Variants in SLF1 observed in about 807,000 individuals in gnomAD.
The protein encoded by SLF1 is SMC5/6 complex localization factor 1.
Under a neutral mutation model 123.0 loss-of-function variants are expected in SLF1, and 105 were observed. The ratio of observed to expected loss-of-function variants is 0.85; its 90% CI spans 0.73 to 1.00. The LOEUF (loss-of-function observed/expected upper bound fraction) is 1.00, where lower values mean the gene tolerates loss of function less well. SLF1 is among the 50% of genes least tolerant of loss of function. SLF1 has a pLI of 0.00. For missense variants in SLF1, 1,239 were observed against 1,223.0 expected (o/e 1.01, Z -0.20); for synonymous variants, 434 against 406.6 (o/e 1.07, Z -0.81).
At chr5:94,685,464 C>G (rs1752307716) in intron 15 of SLF1, among the ~76,000 whole-genome samples, 1 of 151,560 alleles carries the variant, frequency 6.6e-6, no homozygotes, top group Non-Finnish European at 1.5e-5. Flanking sequence ...CTTGGTTGGT[C>G]TTATTTATTC....
chr5:94,647,570 C>T lies in SLF1; in HGVS notation c.595-1884C>T, dbSNP rs148117024. 7.9e-3 allele frequency among the ~76,000 whole-genome samples: 1,206 copies of T among 152,286 alleles called. 10 individuals carry two copies. Among genetic ancestry groups the T allele is most frequent in the Middle Eastern group, 0.01 (3 of 294 alleles). ...TTTAGTTATCCTTTAGTGCATAGCA[C>T]TATACTTTACAAAATATACTAGTCT... On this transcript the variant is annotated intron_variant, in intron 5 of 20. Transcript: ENST00000265140.
intron 5 of SLF1, among the ~76,000 whole-genome samples, chr5:94,648,120 T>G (rs1747275316): frequency 1.3e-5 from 2 of 152,300 alleles, no homozygotes; most frequent in Admixed American, 6.5e-5. Context: ...CATGTAAAAT[T>G]TAATGCCAGG....
chr5:94,657,740 T>C (rs111473386), intron 9 of SLF1, among the ~76,000 whole-genome samples: 327 of 152,232 alleles, frequency 2.1e-3, no homozygotes, highest in African/African-American at 7.6e-3. Flanking sequence ...GTTGGGTACA[T>C]AGATATTTAG....
At chr5:94,623,339 A>T (rs1010725443) in intron 1 of SLF1, among the ~76,000 whole-genome samples, 1 of 152,140 alleles carries the variant, frequency 6.6e-6, no homozygotes, top group Non-Finnish European at 1.5e-5. Flanking sequence ...CAAGGTAAGT[A>T]ACTAATTTTT....
chr5:94,677,089 A>C (rs980172497), intron 14 of SLF1, among the ~76,000 whole-genome samples: 1 of 152,172 alleles, frequency 6.6e-6, no homozygotes, highest in Admixed American at 6.5e-5. Flanking sequence ...ATATAACATA[A>C]TAACATACTG....
chr5:94,686,581 T>C lies in SLF1; in HGVS notation c.1984T>C (p.Ser662Pro). 2 of 1,613,860 alleles carry C rather than the reference T, an allele frequency of 1.2e-6. No individual in the cohort carries two copies. The highest frequency in any genetic ancestry group is 2.2e-5 in the South Asian group (2 of 91,074). Residue 662 changes from serine (S) to proline (P), a missense_variant, in exon 16 of 21, where the codon TCA (serine) becomes CCA (proline). Ser to Pro is a moderately conservative substitution (Grantham distance 74). Coordinates refer to ENST00000265140, the MANE Select transcript of SLF1 (RefSeq NM_032290.4). ...YVSLSCDDFS[S>P]QELEIFICSF... ...TACCTTATGTTCTCCAGACTTTTCT[T>C]CACAGGAATTAGAGATTTTCATTTG...
chr5:94,646,488 T>TA (rs111362528), intron 5 of SLF1, among the ~76,000 whole-genome samples: 31 of 152,314 alleles, frequency 2.0e-4, no homozygotes, highest in African/African-American at 6.5e-4. Flanking sequence ...TGGACACTGT[T>TA]ACTTGCAATT....
intron 2 of SLF1, 58 bp from the exon 3 acceptor site, chr5:94,629,034 G>A (rs1585102263): frequency 1.4e-6 from 2 of 1,434,846 alleles, no homozygotes; most frequent in Non-Finnish European, 1.9e-6. Flanking sequence ...TAAAAAGGAT[G>A]TGTCATAAAG....
At position 94,692,207 on chromosome 5, in the gene SLF1, A is replaced by G. The variant is rs1266309690; in HGVS notation, c.2646A>G (p.Ala882=). ...QVDGVTPLHD[A]LSNGHVEIGK... ...ACGGGGTGACTCCTTTGCATGATGC[A>G]CTGTCAAACGGACATGTAGAAATTG... Residue 882 remains alanine (A), a synonymous_variant, in exon 20 of 21, where the codon GCA becomes GCG. Transcript: ENST00000265140. 1 of 1,613,730 alleles carries G rather than the reference A, an allele frequency of 6.2e-7. No individual in the cohort carries two copies. The highest frequency in any genetic ancestry group is 1.3e-5 in the African/African-American group (1 of 74,912).
intron 16 of SLF1, among the ~76,000 whole-genome samples, chr5:94,687,567 T>G (rs1213255199): frequency 6.6e-6 from 1 of 152,058 alleles, no homozygotes; most frequent in East Asian, 1.9e-4. Context: ...TGGTGGCACA[T>G]GCCTGTGGTC....
At chr5:94,687,647 T>C (rs1171172439) in intron 16 of SLF1, among the ~76,000 whole-genome samples, 13 of 152,048 alleles carry the variant, frequency 8.5e-5, no homozygotes, top group Non-Finnish European at 1.0e-4. Context: ...TGACCTGTGA[T>C]AACCACTGTA....
Position 94,678,831 on chromosome 5 carries a change from C to T in SLF1, c.1851C>T (p.Tyr617=). 1 of 1,613,300 alleles carries T rather than the reference C, an allele frequency of 6.2e-7. No individual in the cohort carries two copies. Among genetic ancestry groups the T allele is most frequent in the Non-Finnish European group, 8.5e-7 (1 of 1,179,492 alleles). ...AGGTCTTCAAACATGAACTAGCTTA[C>T]TTATTGGCTGGAATTCTTGGAGCAG... ...SNDVFKHELA[Y]LLAGILGAAI... Residue 617 remains tyrosine (Y), a synonymous_variant, in exon 15 of 21, where the codon TAC becomes TAT. Transcript: ENST00000265140.
At chr5:94,644,499 C>T (rs1746792773) in intron 5 of SLF1, among the ~76,000 whole-genome samples, 1 of 152,144 alleles carries the variant, frequency 6.6e-6, no homozygotes. Flanking sequence ...CTGCTTCACT[C>T]TTATCTATGC....
In SLF1 at chr5:94,643,382, A is replaced by G; in HGVS notation, c.541A>G (p.Asn181Asp). ...ARIKAEKEKD[N>D]FKAPFYPIQY... ...AATTAAAGCTGAGAAAGAAAAAGAT[A>G]ACTTTAAGGCTCCATTTTATCCAAT... Residue 181 changes from asparagine (N) to aspartate (D), a missense_variant, in exon 5 of 21, where the codon AAC (asparagine) becomes GAC (aspartate). Transcript: ENST00000265140. 1 of 1,542,136 alleles carries G rather than the reference A, an allele frequency of 6.5e-7. No individual in the cohort carries two copies. Among genetic ancestry groups the G allele is most frequent in the South Asian group, 1.2e-5 (1 of 82,898 alleles).
Position 94,627,123 on chromosome 5 carries a change from G to A in SLF1, c.1-1688G>A, listed in dbSNP as rs149533864. Among the ~76,000 whole-genome samples, 273 of 152,146 alleles carry A rather than the reference G, an allele frequency of 1.8e-3. 1 individual carries two copies. Among genetic ancestry groups the A allele is most frequent in the African/African-American group, 6.0e-3 (250 of 41,512 alleles). On this transcript the variant is annotated intron_variant, in intron 1 of 20. Transcript: ENST00000265140. ...GAACATTTCTCACTTCACCAGTTGC[G>A]TGCTATTAGTCCTGGGCTCAAATCG...
intron 5 of SLF1, among the ~76,000 whole-genome samples, chr5:94,648,111 A>G (rs1269824149): frequency 6.6e-6 from 1 of 152,176 alleles, no homozygotes; most frequent in Admixed American, 6.5e-5. Flanking sequence ...ATTACCAACC[A>G]TGTAAAATTT....
chr5:94,688,680 C>T lies in SLF1; in HGVS notation c.2285+11C>T, dbSNP rs776203024. Reference sequence around the variant, plus strand: ...GCTGCCAGAGTTACTGTAAGTGATGCTGATATCCCAGCTGTGCTTTGTTTT... The same window carrying T: ...GCTGCCAGAGTTACTGTAAGTGATGTTGATATCCCAGCTGTGCTTTGTTTT... On this transcript the variant is annotated intron_variant, in intron 17 of 20. Coordinates refer to ENST00000265140, the MANE Select transcript of SLF1 (RefSeq NM_032290.4). 1 of 1,613,268 alleles carries T rather than the reference C, an allele frequency of 6.2e-7. No individual in the cohort carries two copies. The highest frequency in any genetic ancestry group is 1.7e-5 in the Admixed American group (1 of 59,984).
intron 14 of SLF1, among the ~76,000 whole-genome samples, chr5:94,675,314 AT>A (rs1750923714): frequency 6.6e-6 from 1 of 152,212 alleles, no homozygotes; most frequent in African/African-American, 2.4e-5. Flanking sequence ...TAAGGTAAAT[AT>A]ATATCATATA....
intron 10 of SLF1, among the ~76,000 whole-genome samples, chr5:94,663,304 G>A (rs1749350996): frequency 6.6e-6 from 1 of 152,182 alleles, no homozygotes; most frequent in African/African-American, 2.4e-5. Context: ...GTCTCATCCA[G>A]CAGCAAGGCC....
Sources: allele counts gnomAD v4.1 joint callset (sites outside exome capture counted in the v4.1 genomes callset), GRCh38; gene constraint gnomAD v4.1.1; transcripts MANE v1.5; gene names NCBI Gene and HGNC (gene_info 2026-07-23, HGNC 2026-07-21).